The following ORC5 variants were observed in gnomAD, a reference collection of about 807,000 sequenced individuals.
ORC5 encodes protein phosphatase 1, regulatory subunit 117.
Under a neutral mutation model 58.8 loss-of-function variants are expected in ORC5, and 39 were observed. That is an observed-to-expected ratio of 0.66 (90% CI 0.51 to 0.87). ORC5 has a LOEUF of 0.87. Ranked by LOEUF, ORC5 falls within the 40% of genes least tolerant of loss-of-function variation. The pLI, the probability that ORC5 is intolerant of heterozygous loss-of-function variation, is 0.00. For synonymous variants in ORC5, 218 were observed against 177.6 expected, an observed-to-expected ratio of 1.23 and a Z score of -1.81; for missense variants, 493 against 506.3, an observed-to-expected ratio of 0.97 and a Z score of 0.25.
chr7:104,188,374 A>G lies in ORC5; in HGVS notation c.561T>C (p.Leu187=). ...GATGATCATGGGACAGGATCTTTTG[A>G]AGGTTGCCTGTTCACAGGACACAAA... ...LYFPDYSIGN[L]QKILSHDHPP... The change falls in exon 6 of 14, where the codon CTT becomes CTC. Residue 187 remains leucine (L), a synonymous_variant. Coordinates refer to ENST00000297431, the MANE Select transcript of ORC5 (RefSeq NM_002553.4). 1 of 1,607,982 alleles carries G rather than the reference A, an allele frequency of 6.2e-7. No homozygotes were observed. Among genetic ancestry groups the G allele is most frequent in the Non-Finnish European group, 8.5e-7 (1 of 1,175,248 alleles).
chr7:104,195,094 A>C (rs1221509008), intron 5 of ORC5, 49 bp downstream of exon 5: 1 of 942,602 alleles, frequency 1.1e-6, no homozygotes, highest in African/African-American at 1.7e-5. Context: ...CAAACAACAA[A>C]AACTATTCTC....
At chr7:104,197,937 C>A in intron 3 of ORC5, 138 bp from the exon 4 acceptor site, 1 of 542,604 alleles carries the variant, frequency 1.8e-6, no homozygotes, top group Non-Finnish European at 3.2e-6. Flanking sequence ...AGAGAAGCTG[C>A]ATAAAAGATG....
At chr7:104,134,878 T>C (rs1455218938) in intron 13 of ORC5, among the ~76,000 whole-genome samples, 2 of 151,846 alleles carry the variant, frequency 1.3e-5, no homozygotes, top group Non-Finnish European at 2.9e-5. Flanking sequence ...AGGGCAGGTG[T>C]GGGGAGGAGC....
intron 12 of ORC5, among the ~76,000 whole-genome samples, chr7:104,155,564 T>A (rs1321879767): frequency 6.7e-6 from 1 of 149,824 alleles, no homozygotes; most frequent in Non-Finnish European, 1.5e-5. Flanking sequence ...CTTTCAAAAA[T>A]TATTTTCCAA....
intron 4 of ORC5, among the ~76,000 whole-genome samples, chr7:104,196,840 T>C (rs1799810993): frequency 1.3e-5 from 2 of 152,168 alleles, no homozygotes; most frequent in Non-Finnish European, 2.9e-5. Context: ...TAACTGAATA[T>C]ATTGAATAGT....
intron 8 of ORC5, among the ~76,000 whole-genome samples, chr7:104,170,379 T>C (rs947868861): frequency 2.0e-5 from 3 of 152,162 alleles, no homozygotes; most frequent in African/African-American, 4.8e-5. Context: ...GATCTTCAGA[T>C]AGACATTACA....
rs190107195 is a variant in ORC5, at chr7:104,196,850, T to C, written c.441+875A>G. ...AATATTAACTGAATATATTGAATAGTATTGTTTTGCTCAAACTAAATCTTT... is the reference window on the plus strand; with the variant it reads ...AATATTAACTGAATATATTGAATAGCATTGTTTTGCTCAAACTAAATCTTT... On this transcript the variant is annotated intron_variant, in intron 4 of 13. Coordinates refer to ENST00000297431, the MANE Select transcript of ORC5 (RefSeq NM_002553.4). 1.4e-4 allele frequency among the ~76,000 whole-genome samples: 21 copies of C among 152,298 alleles called. No individual in the cohort carries two copies. In the East Asian group the frequency reaches 4.1e-3, roughly 29 times the overall value.
intron 13 of ORC5, among the ~76,000 whole-genome samples, chr7:104,132,626 T>C (rs906354639): frequency 6.6e-6 from 1 of 152,188 alleles, no homozygotes; most frequent in Non-Finnish European, 1.5e-5. Flanking sequence ...TAGGAAAACA[T>C]GCAATATTTA....
At chr7:104,159,460 T>C (rs916063378) in intron 12 of ORC5, among the ~76,000 whole-genome samples, 2 of 147,058 alleles carry the variant, frequency 1.4e-5, no homozygotes, top group Non-Finnish European at 3.0e-5. Context: ...ACATGTACCC[T>C]AAAACTTAAA....
chr7:104,198,064 T>G (rs932585109), intron 3 of ORC5, among the ~76,000 whole-genome samples: 2 of 152,250 alleles, frequency 1.3e-5, no homozygotes, highest in Non-Finnish European at 2.9e-5. Context: ...GCTCTCACTC[T>G]CATCCTCTCT....
chr7:104,173,726 TC>T (rs1799259971), intron 8 of ORC5, among the ~76,000 whole-genome samples: 1 of 152,202 alleles, frequency 6.6e-6, no homozygotes, highest in African/African-American at 2.4e-5. Context: ...GTTTGAATAC[TC>T]CGGTTACTAT....
chr7:104,126,854 G>T lies in ORC5; in HGVS notation c.1302C>A (p.Phe434Leu), dbSNP rs762019851. The change falls in exon 14 of 14, where the codon TTC becomes TTA. Residue 434 changes from phenylalanine (F) to leucine (L), a missense_variant. By Grantham distance (22) the Phe-to-Leu change is conservative (BLOSUM62 0). Transcript: ENST00000297431. ...ATGGCTTTGAAGCTTGTTTTCACAA[G>T]AAATCATACAAGTATTTTATTATGT... ...NFDIIKYLYDFL is the reference protein window; with the variant it reads ...NFDIIKYLYDLL The T allele has an allele frequency of 1.2e-6, 2 of 1,605,480 alleles. No homozygotes were observed. Among genetic ancestry groups the T allele is most frequent in the Admixed American group, 3.4e-5 (2 of 59,170 alleles).
intron 8 of ORC5, among the ~76,000 whole-genome samples, chr7:104,169,924 C>G (rs1799180779): frequency 6.6e-6 from 1 of 152,148 alleles, no homozygotes; most frequent in Non-Finnish European, 1.5e-5. Flanking sequence ...TAATTAAATT[C>G]AATGTTCATC....
intron 12 of ORC5, among the ~76,000 whole-genome samples, chr7:104,151,336 A>C (rs1310607081): frequency 1.3e-5 from 2 of 152,196 alleles, no homozygotes; most frequent in Non-Finnish European, 2.9e-5. Flanking sequence ...GCAACTGCCT[A>C]ATAAGGAAGC....
chr7:104,128,881 ATGT>A (rs1293545550), intron 13 of ORC5, among the ~76,000 whole-genome samples: 2 of 151,850 alleles, frequency 1.3e-5, no homozygotes, highest in East Asian at 3.9e-4. Flanking sequence ...AATGGACTTA[ATGT>A]TGTGTTGCTA....
intron 8 of ORC5, among the ~76,000 whole-genome samples, chr7:104,180,418 C>G (rs1219296139): frequency 6.6e-6 from 1 of 151,904 alleles, no homozygotes; most frequent in Non-Finnish European, 1.5e-5. Context: ...TTTTTAAATC[C>G]AGGTAACTTT....
chr7:104,206,692 T>G (rs1043803088), intron 1 of ORC5, among the ~76,000 whole-genome samples: 3 of 152,204 alleles, frequency 2.0e-5, no homozygotes, highest in Admixed American at 2.0e-4. Context: ...ATATTTCTAG[T>G]TGGATGAAAG....
chr7:104,153,761 C>T (rs1048307526), intron 12 of ORC5, among the ~76,000 whole-genome samples: 6 of 152,082 alleles, frequency 3.9e-5, no homozygotes, highest in Non-Finnish European at 8.8e-5. Flanking sequence ...AATGCCCACA[C>T]TCAAATCAAT....
At chr7:104,198,660 CTG>C (rs1799858046) in intron 3 of ORC5, among the ~76,000 whole-genome samples, 1 of 152,214 alleles carries the variant, frequency 6.6e-6, no homozygotes, top group Non-Finnish European at 1.5e-5. Flanking sequence ...TTTGGAAAAT[CTG>C]TGGCCAGACC....
Sources: gnomAD v4.1 joint callset for allele counts (sites outside exome capture counted in the v4.1 genomes callset) on GRCh38, gnomAD v4.1.1 for gene constraint, MANE v1.5 for transcripts, NCBI Gene and HGNC (gene_info 2026-07-23, HGNC 2026-07-21) for gene names.